The following TYW1 variants were observed in gnomAD, a reference collection of about 807,000 sequenced individuals.
The protein encoded by TYW1 is S-adenosyl-L-methionine-dependent tRNA 4-demethylwyosine synthase TYW1.
TYW1 carries 46 observed loss-of-function variants against 96.2 expected under a neutral mutation model. That is an observed-to-expected ratio of 0.48 (90% CI 0.38 to 0.61). The LOEUF is 0.61. Among genes scored for constraint, TYW1 ranks in the 20% least tolerant of loss-of-function variants. TYW1 has a pLI of 0.00. For synonymous variants in TYW1, 274 were observed against 323.0 expected (o/e 0.85, Z 1.63); for missense variants, 684 against 909.6 (o/e 0.75, Z 3.19).
chr7:67,089,052 A>G (rs1392145148), intron 11 of TYW1, among the ~76,000 whole-genome samples: 4 of 151,940 alleles, frequency 2.6e-5, no homozygotes. Context: ...TTGGAGGTCC[A>G]CTCTTAGCTC....
chr7:67,097,501 C>T lies in TYW1; in HGVS notation c.1385-1040C>T, dbSNP rs558478681. On this transcript the variant is annotated intron_variant, in intron 11 of 15. Transcript: ENST00000359626. ...GCAATCTGTGCCTCCTGGGTTCAAG[C>T]GATTCTCCTGCCTCAGCCTCCCGAG... 1.2e-4 allele frequency among the ~76,000 whole-genome samples: 18 copies of T among 152,138 alleles called. No individual in the cohort carries two copies. In the East Asian group the frequency reaches 3.1e-3, roughly 26 times the overall value.
At chr7:67,160,565 T>TATACAC (rs1563048241) in intron 13 of TYW1, among the ~76,000 whole-genome samples, 1 of 139,458 alleles carries the variant, frequency 7.2e-6, no homozygotes, top group Non-Finnish European at 1.6e-5. Context: ...TACATATACA[T>TATACAC]ATACACACAT....
intron 7 of TYW1, among the ~76,000 whole-genome samples, chr7:67,029,601 T>G (rs1409127910): frequency 6.6e-6 from 1 of 151,892 alleles, no homozygotes; most frequent in Non-Finnish European, 1.5e-5. Context: ...CTGCCCTGAC[T>G]TCAGATACCT....
intron 12 of TYW1, among the ~76,000 whole-genome samples, chr7:67,112,298 A>G (rs142176841): frequency 0.03 from 4,565 of 152,084 alleles, 203 homozygotes; most frequent in African/African-American, 0.1. Flanking sequence ...TTAGTTCTAC[A>G]ATAAAGTATG....
chr7:67,196,631 C>A (rs1333268847), intron 15 of TYW1, among the ~76,000 whole-genome samples: 1 of 147,614 alleles, frequency 6.8e-6, no homozygotes, highest in Admixed American at 6.8e-5. Context: ...ATGGCTGTGT[C>A]AAACTGGAAT....
chr7:67,151,514 T>C (rs1798799064), intron 13 of TYW1, among the ~76,000 whole-genome samples: 1 of 152,146 alleles, frequency 6.6e-6, no homozygotes, highest in Admixed American at 6.6e-5. Flanking sequence ...TAATGTCTCC[T>C]TTAGGAGTGA....
chr7:67,143,718 A>T (rs574563609), intron 13 of TYW1, among the ~76,000 whole-genome samples: 1 of 152,308 alleles, frequency 6.6e-6, no homozygotes, highest in East Asian at 1.9e-4. Flanking sequence ...ACAAAGCTAC[A>T]CTACTCCAAA....
At chr7:67,066,694 A>T (rs1429428766) in intron 9 of TYW1, among the ~76,000 whole-genome samples, 1 of 152,146 alleles carries the variant, frequency 6.6e-6, no homozygotes, top group African/African-American at 2.4e-5. Flanking sequence ...ACAAAAAATT[A>T]AAAAATAACC....
intron 15 of TYW1, among the ~76,000 whole-genome samples, chr7:67,205,216 T>C (rs1263447649): frequency 6.6e-6 from 1 of 152,048 alleles, no homozygotes; most frequent in Non-Finnish European, 1.5e-5. Flanking sequence ...AAAGTCCATT[T>C]CCCCCCTCAG....
intron 14 of TYW1, among the ~76,000 whole-genome samples, chr7:67,187,071 T>G (rs1481248817): frequency 1.2e-3 from 120 of 96,392 alleles, no homozygotes; most frequent in South Asian, 2.1e-3. Context: ...TTTTTTTTTT[T>G]TTTTTTTTTT....
chr7:67,217,489 C>T (rs1801235002), intron 15 of TYW1, among the ~76,000 whole-genome samples: 1 of 152,190 alleles, frequency 6.6e-6, no homozygotes. Context: ...GTTTTTCCAA[C>T]ACCATTTGTT....
intron 15 of TYW1, among the ~76,000 whole-genome samples, chr7:67,235,256 T>G (rs2116454415): frequency 6.6e-6 from 1 of 152,332 alleles, no homozygotes; most frequent in South Asian, 2.1e-4. Context: ...CCAAGTGCCT[T>G]GTACATAACC....
In TYW1 at chr7:67,121,193, TA is replaced by T. The variant is rs558405704; in HGVS notation, c.1698+3579del. On this transcript the variant is annotated intron_variant, in intron 13 of 15. Transcript: ENST00000359626. Reference sequence around the variant, plus strand: ...ATTTGTTTTACTGTTGTTTAGCACTTAAAACATATATTTTGTAGTTATATGT... The same window carrying T: ...ATTTGTTTTACTGTTGTTTAGCACTTAAACATATATTTTGTAGTTATATGT... Among the ~76,000 whole-genome samples, 507 of 150,448 alleles carry T rather than the reference TA, an allele frequency of 3.4e-3. 2 individuals carry two copies. The highest frequency in any genetic ancestry group is 6.2e-3 in the Admixed American group (94 of 15,174).
chr7:67,097,535 A>G (rs1212284290), intron 11 of TYW1, among the ~76,000 whole-genome samples: 1 of 152,124 alleles, frequency 6.6e-6, no homozygotes, highest in East Asian at 1.9e-4. Flanking sequence ...AGTAGCTGGG[A>G]TTACAGGCAT....
At position 67,133,636 on chromosome 7, in the gene TYW1, A is replaced by G. The variant is rs898120003; in HGVS notation, c.1698+16018A>G. On this transcript the variant is annotated intron_variant, in intron 13 of 15. Coordinates refer to ENST00000359626, the MANE Select transcript of TYW1 (RefSeq NM_018264.4). ...TCTCAAAAAAAAAAAAAAAGAAAAA[A>G]AAAAGTTTTGGAATTACAGGTGTGA... Among the ~76,000 whole-genome samples the G allele has an allele frequency of 2.2e-5, 3 of 136,724 alleles. 1 individual carries two copies. The highest frequency in any genetic ancestry group is 8.9e-5 in the African/African-American group (3 of 33,686). 89.7% of individuals were successfully genotyped at this position (136,724 alleles called of 152,430 possible).
intron 11 of TYW1, among the ~76,000 whole-genome samples, chr7:67,084,893 A>G (rs1028166392): frequency 3.3e-5 from 5 of 152,132 alleles, no homozygotes; most frequent in Non-Finnish European, 5.9e-5. Flanking sequence ...TGTACATGTG[A>G]TGTCTTCATA....
At chr7:67,112,046 C>T (rs1309711285) in intron 12 of TYW1, among the ~76,000 whole-genome samples, 5 of 141,794 alleles carry the variant, frequency 3.5e-5, no homozygotes, top group Non-Finnish European at 7.5e-5. Flanking sequence ...TTGCAGTGGG[C>T]CAAGATTGTG....
rs1382110527 is a variant in TYW1 at position 67,009,656 on chromosome 7, A to G, written c.347A>G (p.Tyr116Cys). The G allele has an allele frequency of 1.9e-5, 30 of 1,608,690 alleles. No homozygotes were observed. Among genetic ancestry groups the G allele is most frequent in the Non-Finnish European group, 2.5e-5 (29 of 1,178,790 alleles). ...GTGGCCATTATTAATCTAAAAGAAT[A>G]TGATCCAGATGATCATCTGATAGAA... ...LPVAIINLKE[Y>C]DPDDHLIEEV... The change falls in exon 4 of 16, where the codon TAT becomes TGT. Residue 116 changes from tyrosine (Y) to cysteine (C), a missense_variant. Transcript: ENST00000359626.
At chr7:67,063,900 C>T (rs1016460312) in intron 9 of TYW1, among the ~76,000 whole-genome samples, 3 of 152,190 alleles carry the variant, frequency 2.0e-5, no homozygotes, top group African/African-American at 7.2e-5. Flanking sequence ...TGTGCCTGGC[C>T]GTATTCTGTA....
Sources: gnomAD v4.1 joint callset for allele counts (sites outside exome capture counted in the v4.1 genomes callset) on GRCh38, gnomAD v4.1.1 for gene constraint, MANE v1.5 for transcripts, NCBI Gene and HGNC (gene_info 2026-07-23, HGNC 2026-07-21) for gene names.